Variants in DGKB observed in about 807,000 individuals in gnomAD.
DGKB encodes 90 kDa diacylglycerol kinase.
Under a neutral mutation model 114.3 loss-of-function variants are expected in DGKB, and 67 were observed. The observed-to-expected ratio is 0.59, with a 90% confidence interval of 0.48 to 0.72. The LOEUF is 0.72. Ranked by LOEUF, DGKB falls within the 30% of genes least tolerant of loss-of-function variation. The pLI is 0.00. For missense variants in DGKB, 907 were observed against 975.2 expected, an observed-to-expected ratio of 0.93 and a Z score of 0.93; for synonymous variants, 398 against 323.1, an observed-to-expected ratio of 1.23 and a Z score of -2.49.
intron 23 of DGKB, among the ~76,000 whole-genome samples, chr7:14,205,838 G>A (rs1269029245): frequency 6.6e-6 from 1 of 151,946 alleles, no homozygotes; most frequent in Non-Finnish European, 1.5e-5. Context: ...ATGGGAAGTA[G>A]AATCTTACTA....
Position 14,345,366 on chromosome 7 carries a change from C to A in DGKB, c.1861G>T (p.Glu621Ter). The A allele has an allele frequency of 6.5e-7, 1 of 1,541,662 alleles. No homozygotes were observed. Among genetic ancestry groups the A allele is most frequent in the South Asian group, 1.2e-5 (1 of 83,772 alleles). The change falls in exon 22 of 26, where the codon GAG (glutamate) becomes TAG (stop). Residue 621 changes from glutamate to a stop codon, truncating the protein, a stop_gained. Coordinates refer to ENST00000402815, the MANE Select transcript of DGKB (RefSeq NM_001350709.2). LOFTEE classifies it high-confidence loss of function. The part of the protein sequence containing the change: ...SRMKNKFWYF[E>*]FGTSETFSAT... ...GAGAAAGTTTCAGATGTGCCAAACT[C>A]AAAATACCAAAATTTGTTCTTCATT...
At chr7:14,381,439 C>A (rs1287517531) in intron 21 of DGKB, among the ~76,000 whole-genome samples, 2 of 151,984 alleles carry the variant, frequency 1.3e-5, no homozygotes, top group Non-Finnish European at 2.9e-5. Flanking sequence ...TTTTTAAGTT[C>A]AGATAACAAT....
intron 20 of DGKB, among the ~76,000 whole-genome samples, chr7:14,491,060 G>C (rs1328906768): frequency 5.9e-5 from 9 of 151,820 alleles, no homozygotes; most frequent in African/African-American, 2.2e-4. Flanking sequence ...CTAGAAGTGA[G>C]AATGAGTTTA....
chr7:14,680,059 T>C (rs983778748), intron 12 of DGKB, among the ~76,000 whole-genome samples: 2 of 151,868 alleles, frequency 1.3e-5, no homozygotes, highest in Non-Finnish European at 2.9e-5. Flanking sequence ...CCCCTAAAGC[T>C]CATTGTTTAT....
intron 2 of DGKB, among the ~76,000 whole-genome samples, chr7:14,797,439 T>C (rs1010561013): frequency 1.3e-5 from 2 of 152,138 alleles, no homozygotes; most frequent in African/African-American, 4.8e-5. Context: ...TTTGACATAT[T>C]TCAAGATGCT....
At chr7:14,536,384 C>T (rs947018962) in intron 20 of DGKB, among the ~76,000 whole-genome samples, 1 of 152,082 alleles carries the variant, frequency 6.6e-6, no homozygotes, top group Non-Finnish European at 1.5e-5. Flanking sequence ...TGCAATATCC[C>T]TAATTAACCT....
At chr7:14,454,392 C>T (rs1831970925) in intron 21 of DGKB, among the ~76,000 whole-genome samples, 1 of 152,058 alleles carries the variant, frequency 6.6e-6, no homozygotes, top group Non-Finnish European at 1.5e-5. Context: ...ACTGCAAACA[C>T]ATTTTAAGGC....
intron 4 of DGKB, among the ~76,000 whole-genome samples, chr7:14,749,548 G>C (rs1022820329): frequency 1.3e-5 from 2 of 152,094 alleles, no homozygotes; most frequent in African/African-American, 4.8e-5. Context: ...GCAAATAATG[G>C]ATTCGAAAAA....
intron 23 of DGKB, among the ~76,000 whole-genome samples, chr7:14,239,641 T>C (rs1793351466): frequency 1.3e-5 from 2 of 152,038 alleles, no homozygotes; most frequent in Admixed American, 1.3e-4. Flanking sequence ...TTAAATGACA[T>C]GCTAAGATCA....
At chr7:14,498,451 T>TA (rs1785624283) in intron 20 of DGKB, among the ~76,000 whole-genome samples, 1 of 151,780 alleles carries the variant, frequency 6.6e-6, no homozygotes, top group Admixed American at 6.6e-5. Flanking sequence ...GAGTGATCTG[T>TA]AGAAAGTCAA....
intron 14 of DGKB, among the ~76,000 whole-genome samples, chr7:14,626,123 T>C (rs1434965696): frequency 2.0e-5 from 3 of 152,220 alleles, no homozygotes; most frequent in African/African-American, 7.2e-5. Context: ...TACATCATGC[T>C]GATTCTCAGA....
At chr7:14,376,960 A>C (rs184218390) in intron 21 of DGKB, among the ~76,000 whole-genome samples, 10 of 152,342 alleles carry the variant, frequency 6.6e-5, no homozygotes, top group Admixed American at 3.3e-4. Flanking sequence ...CAAGAGACCC[A>C]TACTGCAAGG....
At chr7:14,709,154 A>C (rs1274137941) in intron 6 of DGKB, among the ~76,000 whole-genome samples, 4 of 152,052 alleles carry the variant, frequency 2.6e-5, no homozygotes, top group Non-Finnish European at 5.9e-5. Flanking sequence ...AAGTGGGCGA[A>C]GGACATGAAC....
intron 6 of DGKB, among the ~76,000 whole-genome samples, chr7:14,711,305 T>C (rs1827317515): frequency 1.3e-5 from 2 of 152,044 alleles, no homozygotes; most frequent in Admixed American, 1.3e-4. Context: ...ATATATTGAG[T>C]ACCAAGTACC....
chr7:14,965,896 T>G (rs1366215564), intron 1 of DGKB, among the ~76,000 whole-genome samples: 1 of 152,236 alleles, frequency 6.6e-6, no homozygotes, highest in African/African-American at 2.4e-5. Context: ...ATTTTGCTCT[T>G]TTCATTACAT....
At chr7:14,256,499 A>G (rs1795995137) in intron 23 of DGKB, among the ~76,000 whole-genome samples, 1 of 152,006 alleles carries the variant, frequency 6.6e-6, no homozygotes, top group South Asian at 2.1e-4. Context: ...ATAGTTTAGA[A>G]TTTCCAAATG....
At chr7:14,178,410 C>CA (rs56812836) in intron 23 of DGKB, among the ~76,000 whole-genome samples, 2,387 of 121,756 alleles carry the variant, frequency 0.02, 32 homozygotes, top group Non-Finnish European at 0.028. Flanking sequence ...CAAATAATAC[C>CA]AAAAAAAAAA....
intron 23 of DGKB, among the ~76,000 whole-genome samples, chr7:14,278,439 C>T (rs1406863465): frequency 6.6e-6 from 1 of 152,248 alleles, no homozygotes; most frequent in South Asian, 2.1e-4. Flanking sequence ...CGGATATCCA[C>T]GTGCAGAGGA....
intron 20 of DGKB, among the ~76,000 whole-genome samples, chr7:14,487,528 C>T (rs984418249): frequency 1.3e-5 from 2 of 151,632 alleles, no homozygotes; most frequent in South Asian, 2.1e-4. Flanking sequence ...TTTAATTATG[C>T]CTACTGCCTA....
Sources: gnomAD v4.1 joint callset for allele counts (sites outside exome capture counted in the v4.1 genomes callset) on GRCh38, gnomAD v4.1.1 for gene constraint, MANE v1.5 for transcripts, NCBI Gene and HGNC (gene_info 2026-07-23, HGNC 2026-07-21) for gene names.